Variants in EPHA6 observed in about 807,000 individuals in gnomAD.
EPHA6 encodes the protein EPH receptor A6, also known as ephrin type-A receptor 6.
EPHA6 carries 50 observed loss-of-function variants against 112.0 expected under a neutral mutation model. The observed-to-expected ratio is 0.45, with a 90% confidence interval of 0.36 to 0.56. EPHA6 has a LOEUF of 0.56. Among genes scored for constraint, EPHA6 ranks in the 20% least tolerant of loss-of-function variants. EPHA6 has a pLI of 0.00. For missense variants in EPHA6, 1,280 were observed against 1,417.4 expected, an observed-to-expected ratio of 0.90 and a Z score of 1.56; for synonymous variants, 529 against 490.7, an observed-to-expected ratio of 1.08 and a Z score of -1.03.
chr3:97,570,983 A>G (rs2093327438), intron 11 of EPHA6, among the ~76,000 whole-genome samples: 4 of 152,150 alleles, frequency 2.6e-5, no homozygotes. Context: ...TGTGTTGAGA[A>G]TGAAAGGGTC....
At chr3:97,446,133 A>G (rs1021407814) in intron 6 of EPHA6, among the ~76,000 whole-genome samples, 2 of 152,152 alleles carry the variant, frequency 1.3e-5, no homozygotes, top group Non-Finnish European at 2.9e-5. Context: ...ATCATAGACA[A>G]AAGCTAACTT....
intron 5 of EPHA6, among the ~76,000 whole-genome samples, chr3:97,317,461 T>C (rs1287503664): frequency 1.3e-5 from 2 of 151,998 alleles, no homozygotes; most frequent in Admixed American, 1.3e-4. Flanking sequence ...ATTGTTATCA[T>C]GGTAGTCATG....
chr3:97,269,857 A>C (rs1441825788), intron 5 of EPHA6, among the ~76,000 whole-genome samples: 2 of 152,370 alleles, frequency 1.3e-5, no homozygotes, highest in East Asian at 3.9e-4. Flanking sequence ...TATACAAGAA[A>C]AAAATGGCAA....
chr3:97,388,513 T>TG (rs2086203269), intron 5 of EPHA6, among the ~76,000 whole-genome samples: 1 of 151,940 alleles, frequency 6.6e-6, no homozygotes, highest in Non-Finnish European at 1.5e-5. Context: ...ACAATTCTTA[T>TG]GGGAAAAAAA....
chr3:97,073,946 G>A (rs1195095242), intron 3 of EPHA6, among the ~76,000 whole-genome samples: 1 of 151,804 alleles, frequency 6.6e-6, no homozygotes. Flanking sequence ...TATTTTTAAC[G>A]TGTTTATTGG....
At chr3:96,897,211 A>ACACACAC (rs1559810632) in intron 2 of EPHA6, among the ~76,000 whole-genome samples, 143 of 143,422 alleles carry the variant, frequency 1.0e-3, no homozygotes, top group African/African-American at 3.4e-3. Flanking sequence ...TGTATATACA[A>ACACACAC]ACACACACAC....
At position 96,974,209 on chromosome 3, in the gene EPHA6, AT is replaced by A. The variant is rs1388799766; in HGVS notation, c.451-13119del. Among the ~76,000 whole-genome samples the A allele has an allele frequency of 1.0e-4, 15 of 147,344 alleles. No individual in the cohort carries two copies. The Admixed American group carries it at 1.0e-3, about 10-fold the overall frequency. On this transcript the variant is annotated intron_variant, in intron 2 of 17. Coordinates refer to ENST00000389672, the MANE Select transcript of EPHA6 (RefSeq NM_001080448.3). Reference sequence around the variant, plus strand: ...ACAAATAATATATTAAAATTATATTATTAATTATTGATATATTATTAAATTA... The same window carrying A: ...ACAAATAATATATTAAAATTATATTATAATTATTGATATATTATTAAATTA...
At chr3:97,282,069 A>T (rs1469770618) in intron 5 of EPHA6, among the ~76,000 whole-genome samples, 1 of 152,236 alleles carries the variant, frequency 6.6e-6, no homozygotes, top group African/African-American at 2.4e-5. Flanking sequence ...GTTTATAAAC[A>T]TAGCAGTTCA....
At chr3:97,382,198 G>A (rs2085790030) in intron 5 of EPHA6, among the ~76,000 whole-genome samples, 1 of 151,996 alleles carries the variant, frequency 6.6e-6, no homozygotes, top group Admixed American at 6.6e-5. Context: ...GACATCCCCA[G>A]TAAATGCCAA....
chr3:97,207,615 A>G (rs1234985745), intron 3 of EPHA6, among the ~76,000 whole-genome samples: 3 of 152,176 alleles, frequency 2.0e-5, no homozygotes, highest in Non-Finnish European at 4.4e-5. Context: ...TGTTTTGCAT[A>G]AAACAAGGCC....
At chr3:97,093,251 T>C (rs2047130095) in intron 3 of EPHA6, among the ~76,000 whole-genome samples, 2 of 152,218 alleles carry the variant, frequency 1.3e-5, no homozygotes, top group East Asian at 1.9e-4. Flanking sequence ...TGATTCCTGA[T>C]TTAAAAGGGG....
intron 14 of EPHA6, among the ~76,000 whole-genome samples, chr3:97,672,025 A>T (rs2030898169): frequency 6.6e-6 from 1 of 152,174 alleles, no homozygotes; most frequent in Non-Finnish European, 1.5e-5. Flanking sequence ...GCAGTCCATC[A>T]CTGTTCCTGA....
At chr3:97,530,217 C>A (rs1358471995) in intron 10 of EPHA6, among the ~76,000 whole-genome samples, 1 of 152,020 alleles carries the variant, frequency 6.6e-6, no homozygotes, top group Non-Finnish European at 1.5e-5. Flanking sequence ...TGTAAACACA[C>A]ATACCCACTT....
At chr3:96,968,202 T>C (rs2042196124) in intron 2 of EPHA6, among the ~76,000 whole-genome samples, 1 of 151,858 alleles carries the variant, frequency 6.6e-6, no homozygotes, top group African/African-American at 2.4e-5. Flanking sequence ...CATTTAAGTG[T>C]ACTGACTTTG....
chr3:97,007,507 AC>A (rs1323677315), intron 3 of EPHA6, among the ~76,000 whole-genome samples: 2 of 151,386 alleles, frequency 1.3e-5, no homozygotes, highest in South Asian at 4.2e-4. Flanking sequence ...GTCTTTGCAC[AC>A]AAGATGGGTC....
intron 2 of EPHA6, among the ~76,000 whole-genome samples, chr3:96,870,616 A>T (rs115143754): frequency 6.6e-6 from 1 of 152,122 alleles, no homozygotes; most frequent in Non-Finnish European, 1.5e-5. Context: ...TTGATACATA[A>T]AATTAACCAT....
intron 5 of EPHA6, among the ~76,000 whole-genome samples, chr3:97,325,080 G>A (rs1274012723): frequency 6.6e-6 from 1 of 151,910 alleles, no homozygotes; most frequent in African/African-American, 2.4e-5. Flanking sequence ...ATACTCACTG[G>A]TGTGTGATCT....
rs2035950760 is a variant in EPHA6 at position 97,753,572 on chromosome 3, C to T, written c.*4871C>T. 6.6e-6 allele frequency among the ~76,000 whole-genome samples: 1 copy of T among 151,966 alleles called. No individual in the cohort carries two copies. The highest frequency in any genetic ancestry group is 1.5e-5 in the Non-Finnish European group (1 of 67,980). On this transcript the variant is annotated 3_prime_UTR_variant, in exon 18 of 18. Coordinates refer to ENST00000389672, the MANE Select transcript of EPHA6 (RefSeq NM_001080448.3). Reference sequence around the variant, plus strand: ...TTGTCTGATAGCATAGCTATCAGTTCGTATATGGATTCACTACCTCAAAGG... The same window carrying T: ...TTGTCTGATAGCATAGCTATCAGTTTGTATATGGATTCACTACCTCAAAGG...
chr3:97,628,433 G>A (rs1346555552), intron 13 of EPHA6, among the ~76,000 whole-genome samples: 2 of 151,864 alleles, frequency 1.3e-5, no homozygotes, highest in African/African-American at 2.4e-5. Flanking sequence ...ACATAATCAG[G>A]TATTCATAAG....
Sources: allele counts gnomAD v4.1 joint callset (sites outside exome capture counted in the v4.1 genomes callset), GRCh38; gene constraint gnomAD v4.1.1; transcripts MANE v1.5; gene names NCBI Gene and HGNC (gene_info 2026-07-23, HGNC 2026-07-21).